The following SATB2 variants were observed in gnomAD, a reference collection of about 807,000 sequenced individuals.
SATB2 encodes DNA-binding protein SATB2.
SATB2 carries 1 observed loss-of-function variant against 73.4 expected under a neutral mutation model. That is an observed-to-expected ratio of 0.01 (90% confidence interval 0.00 to 0.06). The LOEUF is 0.06. Ranked by LOEUF, SATB2 falls within the 10% of genes least tolerant of loss-of-function variation. The probability of loss-of-function intolerance (pLI) is 1.00; values close to 1 mark genes in which losing one functional copy is unlikely to be tolerated. For synonymous variants in SATB2, 397 were observed against 367.0 expected (o/e 1.08, Z -0.93); for missense variants, 459 against 945.8 (o/e 0.49, Z 6.75).
intron 6 of SATB2, among the ~76,000 whole-genome samples, chr2:199,351,152 GTTTGCTTGCTTTT>G (rs1220858846): frequency 1.4e-5 from 2 of 142,568 alleles, no homozygotes; most frequent in African/African-American, 5.2e-5. Context: ...TCCTTACAAT[GTTTGCTTGCTTTT>G]TTTTTTTTTT....
intron 10 of SATB2, among the ~76,000 whole-genome samples, chr2:199,277,582 T>C (rs1464280318): frequency 6.6e-6 from 1 of 152,222 alleles, no homozygotes; most frequent in Non-Finnish European, 1.5e-5. Context: ...AATTCATTTC[T>C]GTAAAGAGAG....
intron 2 of SATB2, among the ~76,000 whole-genome samples, chr2:199,440,398 C>T (rs1461430204): frequency 1.3e-5 from 2 of 152,236 alleles, no homozygotes; most frequent in East Asian, 1.9e-4. Context: ...ATGCTTGCTA[C>T]ACTGTTTGAA....
intron 6 of SATB2, among the ~76,000 whole-genome samples, chr2:199,353,919 G>A (rs1688895363): frequency 6.6e-6 from 1 of 152,178 alleles, no homozygotes; most frequent in Admixed American, 6.5e-5. Flanking sequence ...TCTTATCCCT[G>A]CAGTATTTAG....
intron 7 of SATB2, 84 bp from the exon 8 acceptor site, chr2:199,328,994 T>C: frequency 9.6e-7 from 1 of 1,046,872 alleles, no homozygotes; most frequent in Non-Finnish European, 1.5e-6. Context: ...CTCTCCTCCT[T>C]TGTTTGGTTT....
chr2:199,283,022 C>T (rs1692573646), intron 10 of SATB2, among the ~76,000 whole-genome samples: 1 of 152,242 alleles, frequency 6.6e-6, no homozygotes, highest in South Asian at 2.1e-4. Flanking sequence ...ATGCAATAGG[C>T]CCATGCCATC....
At chr2:199,425,266 G>A (rs1324068972) in intron 3 of SATB2, among the ~76,000 whole-genome samples, 2 of 152,176 alleles carry the variant, frequency 1.3e-5, no homozygotes, top group Non-Finnish European at 2.9e-5. Context: ...TTACGTGAAT[G>A]TCTCAGATGA....
chr2:199,328,574 A>G, intron 8 of SATB2, 124 bp downstream of exon 8: 1 of 675,708 alleles, frequency 1.5e-6, no homozygotes, highest in Non-Finnish European at 2.5e-6. Flanking sequence ...TAAAATAAGA[A>G]AAGAAAAAAA....
chr2:199,469,419 C>T (rs560350060), upstream of SATB2, among the ~76,000 whole-genome samples: 45 of 152,228 alleles, frequency 3.0e-4, no homozygotes, highest in African/African-American at 1.1e-3. Flanking sequence ...CCCGGCGGTT[C>T]CTAAATCTAG....
At chr2:199,312,995 T>C (rs1387707985) in intron 9 of SATB2, among the ~76,000 whole-genome samples, 1 of 152,140 alleles carries the variant, frequency 6.6e-6, no homozygotes, top group East Asian at 1.9e-4. Flanking sequence ...AATAACTAAA[T>C]GCAATGTGGT....
Position 199,272,313 on chromosome 2 carries a change from C to T in SATB2, c.2100G>A (p.Glu700=). The change falls in exon 11 of 11, where the codon GAG becomes GAA. Residue 700 remains glutamate (E), a synonymous_variant. Transcript: ENST00000417098. This position sits in a 1 kb window ranked among gnomAD's most constrained non-coding sequence, Gnocchi z 6.7. ...KDEELLTESE[E]NDSEEGSEEM... ...CCTCGGAGCCTTCCTCGCTGTCGTT[C>T]TCCTCTGACTCGGTCAGCAGCTCCT... The T allele has an allele frequency of 1.9e-6, 3 of 1,614,200 alleles. No homozygotes were observed. The highest frequency in any genetic ancestry group is 2.5e-6 in the Non-Finnish European group (3 of 1,180,036).
chr2:199,326,728 A>G (rs1359180997), intron 8 of SATB2, among the ~76,000 whole-genome samples: 1 of 152,172 alleles, frequency 6.6e-6, no homozygotes, highest in Non-Finnish European at 1.5e-5. Context: ...GCACATTAAC[A>G]ACTTGCCCAA....
chr2:199,403,136 C>T (rs1278743195), intron 3 of SATB2, among the ~76,000 whole-genome samples: 1 of 152,030 alleles, frequency 6.6e-6, no homozygotes, highest in Non-Finnish European at 1.5e-5. Context: ...GAATGACACC[C>T]ACAAATGTTT....
intron 3 of SATB2, among the ~76,000 whole-genome samples, chr2:199,410,319 A>C (rs1690774052): frequency 1.3e-5 from 2 of 152,196 alleles, no homozygotes; most frequent in Non-Finnish European, 2.9e-5. Context: ...GGATGAACCC[A>C]GCTAAATTCT....
At chr2:199,398,195 G>A (rs982304701) in intron 3 of SATB2, among the ~76,000 whole-genome samples, 1 of 152,110 alleles carries the variant, frequency 6.6e-6, no homozygotes, top group Non-Finnish European at 1.5e-5. Context: ...CTGGGTCATA[G>A]GGAACTGCTG....
At chr2:199,467,432 G>GC (rs750181195), upstream of SATB2, 2 of 152,284 alleles carry the variant, frequency 1.3e-5, no homozygotes, top group Non-Finnish European at 2.9e-5. Flanking sequence ...CCGGGCTTCA[G>GC]CCGAAGCGTT....
intron 3 of SATB2, among the ~76,000 whole-genome samples, chr2:199,409,721 C>T (rs1269146089): frequency 6.6e-6 from 1 of 151,326 alleles, no homozygotes; most frequent in Non-Finnish European, 1.5e-5. Context: ...ACAACAAATG[C>T]CAAGTCTTTC....
At chr2:199,420,146 C>T (rs1279902671) in intron 3 of SATB2, among the ~76,000 whole-genome samples, 3 of 152,098 alleles carry the variant, frequency 2.0e-5, no homozygotes, top group Non-Finnish European at 2.9e-5. Context: ...TTGCTGTGTA[C>T]CCTGGGGTAT....
At chr2:199,402,910 A>T (rs1459601576) in intron 3 of SATB2, among the ~76,000 whole-genome samples, 1 of 152,226 alleles carries the variant, frequency 6.6e-6, no homozygotes, top group Non-Finnish European at 1.5e-5. Context: ...CAGGACAATG[A>T]AGCTCTTCAC....
chr2:199,397,362 T>C (rs1257941489), intron 3 of SATB2, among the ~76,000 whole-genome samples: 1 of 152,212 alleles, frequency 6.6e-6, no homozygotes, highest in East Asian at 1.9e-4. Flanking sequence ...ACAGTGCTCT[T>C]TATATCCAAA....
Sources: allele counts gnomAD v4.1 joint callset (sites outside exome capture counted in the v4.1 genomes callset), GRCh38; gene constraint gnomAD v4.1.1; non-coding constraint Gnocchi (gnomAD v3.1); transcripts MANE v1.5; gene names NCBI Gene and HGNC (gene_info 2026-07-23, HGNC 2026-07-21).